Variants in NGEF observed in about 807,000 individuals in gnomAD.
NGEF encodes the protein neuronal guanine nucleotide exchange factor.
NGEF carries 31 observed loss-of-function variants against 80.9 expected under a neutral mutation model. The ratio of observed to expected loss-of-function variants is 0.38; its 90% confidence interval spans 0.29 to 0.52. NGEF has a LOEUF of 0.52. NGEF is among the 20% of genes least tolerant of loss of function. The pLI, the probability that NGEF is intolerant of heterozygous loss-of-function variation, is 0.84. For missense variants in NGEF, 709 were observed against 926.2 expected (o/e 0.77, Z 3.04); for synonymous variants, 371 against 370.2 (o/e 1.00, Z -0.03).
At chr2:232,893,213 TG>T (rs1449121077) in intron 6 of NGEF, among the ~76,000 whole-genome samples, 163 bp from the exon 7 acceptor site, 6 of 152,138 alleles carry the variant, frequency 3.9e-5, no homozygotes, top group African/African-American at 1.2e-4. Context: ...CGAGCACTGG[TG>T]GTGTATTTGG....
chr2:232,909,577 C>T (rs1243853233), intron 5 of NGEF, among the ~76,000 whole-genome samples: 7 of 152,128 alleles, frequency 4.6e-5, no homozygotes, highest in Non-Finnish European at 5.9e-5. Flanking sequence ...ATAAAATTAT[C>T]ATGCAGTAAA....
chr2:232,967,637 A>T (rs1336501503), intron 3 of NGEF, among the ~76,000 whole-genome samples: 2 of 151,928 alleles, frequency 1.3e-5, no homozygotes, highest in African/African-American at 4.8e-5. Flanking sequence ...AGCCTCGGGT[A>T]TTTTTTTATA....
chr2:232,916,309 T>C (rs1287852408), intron 5 of NGEF, among the ~76,000 whole-genome samples: 3 of 152,214 alleles, frequency 2.0e-5, no homozygotes, highest in African/African-American at 7.2e-5. Flanking sequence ...AGGATTTCCA[T>C]CTTACAGATA....
chr2:232,977,139 C>T (rs1444990994), intron 1 of NGEF, among the ~76,000 whole-genome samples: 3 of 152,074 alleles, frequency 2.0e-5, no homozygotes, highest in Non-Finnish European at 4.4e-5. Flanking sequence ...AGAGCGAAAC[C>T]GTTCTTGAGC....
intron 1 of NGEF, among the ~76,000 whole-genome samples, chr2:233,007,221 G>A (rs1408395126): frequency 6.6e-6 from 1 of 152,194 alleles, no homozygotes; most frequent in Non-Finnish European, 1.5e-5. Flanking sequence ...TCCAGCCTGA[G>A]CAACAGAGCA....
intron 3 of NGEF, among the ~76,000 whole-genome samples, chr2:232,938,078 T>A (rs1176818125): frequency 6.6e-6 from 1 of 152,210 alleles, no homozygotes; most frequent in Non-Finnish European, 1.5e-5. Flanking sequence ...ATGGTAGCAC[T>A]GCATGAGTTT....
intron 1 of NGEF, among the ~76,000 whole-genome samples, chr2:232,982,862 G>A (rs1694461115): frequency 6.6e-6 from 1 of 152,228 alleles, no homozygotes; most frequent in Non-Finnish European, 1.5e-5. Flanking sequence ...AGTGAGACAG[G>A]AGGATTTAGA....
chr2:232,990,620 A>G (rs995867277), intron 1 of NGEF, among the ~76,000 whole-genome samples: 1 of 152,084 alleles, frequency 6.6e-6, no homozygotes. Context: ...TAAATGTTAC[A>G]ATAATAAAAG....
intron 3 of NGEF, among the ~76,000 whole-genome samples, chr2:232,959,272 C>T (rs1195111710): frequency 2.8e-5 from 4 of 144,654 alleles, no homozygotes; most frequent in Non-Finnish European, 6.1e-5. Flanking sequence ...TTCCTCTCTC[C>T]CCGGTGTTTC....
intron 1 of NGEF, among the ~76,000 whole-genome samples, chr2:232,981,505 A>C (rs942754423): frequency 1.3e-4 from 20 of 152,096 alleles, no homozygotes; most frequent in African/African-American, 4.1e-4. Context: ...ACCTAAGATC[A>C]GCGCTTGAGA....
intron 3 of NGEF, among the ~76,000 whole-genome samples, chr2:232,953,361 GAA>G (rs1362849834): frequency 4.6e-5 from 6 of 131,678 alleles, no homozygotes; most frequent in Non-Finnish European, 8.3e-5. Context: ...AAGAAAGAAA[GAA>G]AGAGAGAGAG....
chr2:232,892,964 T>C lies in NGEF; in HGVS notation c.1076A>G (p.His359Arg), dbSNP rs1394240809. Reference sequence around the variant, plus strand: ...GACGTAGGTGATGTAGACAGAGAAGTGGTCGGCCGCATAACGGTACACAAT... The same window carrying C: ...GACGTAGGTGATGTAGACAGAGAAGCGGTCGGCCGCATAACGGTACACAAT... ...CDIVYRYAAD[H>R]FSVYITYVSN... The change falls in exon 7 of 15, where the codon CAC (histidine) becomes CGC (arginine). Residue 359 changes from histidine (H) to arginine (R), a missense_variant. Transcript: ENST00000264051. This position sits in a 1 kb window ranked among gnomAD's most constrained non-coding sequence, Gnocchi z 4.0. 1 of 1,613,560 alleles carries C rather than the reference T, an allele frequency of 6.2e-7. No homozygotes were observed. The highest frequency in any genetic ancestry group is 1.1e-5 in the South Asian group (1 of 91,076).
At chr2:232,975,873 T>C (rs1412841450) in intron 1 of NGEF, among the ~76,000 whole-genome samples, 1 of 152,162 alleles carries the variant, frequency 6.6e-6, no homozygotes, top group Non-Finnish European at 1.5e-5. Context: ...ATATACATTT[T>C]TCTGGCCTAT....
At position 232,920,068 on chromosome 2, in the gene NGEF, A is replaced by G. The variant is rs182732281; in HGVS notation, c.828+216T>C. On this transcript the variant is annotated intron_variant, in intron 5 of 14. Transcript: ENST00000264051. ...CAGACAGCAATGCTTCAGACGCTCAATGTTGGGGGTGAGCTGTCCTAGAAG... is the reference window on the plus strand; with the variant it reads ...CAGACAGCAATGCTTCAGACGCTCAGTGTTGGGGGTGAGCTGTCCTAGAAG... 1.1e-3 allele frequency among the ~76,000 whole-genome samples: 161 copies of G among 152,348 alleles called. 1 individual carries two copies. The highest frequency in any genetic ancestry group is 1.8e-3 in the Non-Finnish European group (120 of 68,026).
chr2:232,883,423 G>T lies in NGEF; in HGVS notation c.1645C>A (p.Arg549Ser). Residue 549 changes from arginine to serine, a missense_variant, in exon 12 of 15, where the codon CGT (arginine) becomes AGT (serine). Physicochemically the swap from Arg to Ser is moderately radical, Grantham distance 110 (BLOSUM62 -1). Transcript: ENST00000264051. The stretch of plus-strand genomic sequence containing the variant: ...CCCTGGTCCTCCAGCTCCTCCACAC[G>T]CAGCAGTCCCCGCGGAGCTGAGTCA... ...VFDSAPRGLLRVEELEDQGQT... is the reference protein window; with the variant it reads ...VFDSAPRGLLSVEELEDQGQT... The T allele has an allele frequency of 6.2e-7, 1 of 1,609,798 alleles. No individual in the cohort carries two copies. The highest frequency in any genetic ancestry group is 8.5e-7 in the Non-Finnish European group (1 of 1,178,282).
intron 6 of NGEF, among the ~76,000 whole-genome samples, chr2:232,894,130 T>C (rs1691980040): frequency 6.6e-6 from 1 of 152,172 alleles, no homozygotes; most frequent in African/African-American, 2.4e-5. Context: ...TGGTAAGTGC[T>C]CTTTCATCCT....
intron 13 of NGEF, 72 bp downstream of exon 13, chr2:232,882,113 CA>C (rs1423642519): frequency 2.2e-6 from 3 of 1,378,370 alleles, no homozygotes; most frequent in Non-Finnish European, 2.0e-6. Context: ...AGGCAGGGCA[CA>C]CCGTGCACCT....
rs572485110 is a variant in NGEF at position 232,879,073 on chromosome 2, G to A, written c.*416C>T. 4.4e-4 allele frequency: 71 copies of A among 160,832 alleles called. No homozygotes were observed. Among genetic ancestry groups the A allele is most frequent in the African/African-American group, 1.6e-3 (66 of 41,886 alleles). The allele number at this position is 160,832 out of a possible 1,614,324, so 10.0% of individuals were successfully genotyped here. ...CTGGTAGATTCTAACTGCTTCCAAG[G>A]TAGAGGAGGACGCGTGCAGGAAATC... On this transcript the variant is annotated 3_prime_UTR_variant, in exon 15 of 15. Coordinates refer to ENST00000264051, the MANE Select transcript of NGEF (RefSeq NM_019850.3).
chr2:232,921,676 G>A (rs576092489), intron 4 of NGEF, among the ~76,000 whole-genome samples: 1 of 149,228 alleles, frequency 6.7e-6, no homozygotes, highest in Non-Finnish European at 1.5e-5. Context: ...TACCCAGGCT[G>A]GTCTTGAATT....
Sources: gnomAD v4.1 joint callset for allele counts (sites outside exome capture counted in the v4.1 genomes callset) on GRCh38, gnomAD v4.1.1 for gene constraint, Gnocchi (gnomAD v3.1) non-coding constraint, MANE v1.5 for transcripts, NCBI Gene and HGNC (gene_info 2026-07-23, HGNC 2026-07-21) for gene names.